Variants in SLC25A26 observed in about 807,000 individuals in gnomAD.
The protein encoded by SLC25A26 is solute carrier family 25 member 26.
A neutral mutation model predicts 37.8 loss-of-function variants in SLC25A26; 36 were observed. That is an observed-to-expected ratio of 0.95 (90% confidence interval 0.73 to 1.26). The LOEUF (loss-of-function observed/expected upper bound fraction) is 1.26, where lower values mean the gene tolerates loss of function less well. Among genes scored for constraint, SLC25A26 ranks in the 50% most tolerant of loss-of-function variants. The pLI, the probability that SLC25A26 is intolerant of heterozygous loss-of-function variation, is 0.00. For synonymous variants in SLC25A26, 129 were observed against 122.5 expected, an observed-to-expected ratio of 1.05 and a Z score of -0.35; for missense variants, 390 against 331.1, an observed-to-expected ratio of 1.18 and a Z score of -1.38.
At chr3:66,275,097 T>C (rs2074092416) in intron 5 of SLC25A26, among the ~76,000 whole-genome samples, 1 of 152,088 alleles carries the variant, frequency 6.6e-6, no homozygotes, top group South Asian at 2.1e-4. Flanking sequence ...TAATGTCCTT[T>C]GTAGGGACAT....
intron 1 of SLC25A26, among the ~76,000 whole-genome samples, chr3:66,213,441 C>T (rs1412692528): frequency 1.6e-4 from 19 of 120,772 alleles, no homozygotes; most frequent in Non-Finnish European, 3.0e-4. Flanking sequence ...AGTAAAATGA[C>T]TTTCTTTTAA....
At chr3:66,225,479 A>T (rs1553660173) in intron 1 of SLC25A26, among the ~76,000 whole-genome samples, 1 of 152,158 alleles carries the variant, frequency 6.6e-6, no homozygotes, top group African/African-American at 2.4e-5. Flanking sequence ...CCCTGGACCC[A>T]GTCCAGGAAA....
In SLC25A26 at chr3:66,181,464, A is replaced by G. The variant is rs2070704467; in HGVS notation, c.-353-39278A>G. Among the ~76,000 whole-genome samples, 5 of 152,182 alleles carry G rather than the reference A, an allele frequency of 3.3e-5. No individual in the cohort carries two copies. The South Asian group carries it at 1.0e-3, about 32-fold the overall frequency. On this transcript the variant is annotated intron_variant, in intron 1 of 10. Coordinates refer to the SLC25A26 transcript ENST00000676754. ...CATGTCGTAGTTACTGGCAAACGGC[A>G]CCCTAAAAAATGCTAGCTACGACAC...
At chr3:66,373,861 G>A (rs1700488320) in intron 9 of SLC25A26, among the ~76,000 whole-genome samples, 3 of 152,092 alleles carry the variant, frequency 2.0e-5, no homozygotes, top group Non-Finnish European at 4.4e-5. Context: ...GAAGTGCCAA[G>A]TGCTGCAAAC....
At chr3:66,230,956 C>G (rs1482090546) in intron 1 of SLC25A26, among the ~76,000 whole-genome samples, 1 of 152,156 alleles carries the variant, frequency 6.6e-6, no homozygotes, top group African/African-American at 2.4e-5. Context: ...TGGTGGATCA[C>G]CTGAGGTCAG....
intron 6 of SLC25A26, among the ~76,000 whole-genome samples, chr3:66,357,215 A>T (rs2076596244): frequency 6.6e-6 from 1 of 152,154 alleles, no homozygotes; most frequent in Non-Finnish European, 1.5e-5. Flanking sequence ...GGAGTTTGAG[A>T]CTACCCTGGG....
chr3:66,292,737 A>G (rs1427479016), intron 5 of SLC25A26, among the ~76,000 whole-genome samples: 1 of 151,876 alleles, frequency 6.6e-6, no homozygotes, highest in Admixed American at 6.6e-5. Context: ...TTTTTCCTTC[A>G]TTTCAACCTT....
intron 6 of SLC25A26, among the ~76,000 whole-genome samples, chr3:66,356,611 G>A (rs2076581610): frequency 6.6e-6 from 1 of 152,072 alleles, no homozygotes; most frequent in Non-Finnish European, 1.5e-5. Context: ...GAAGCTGGGT[G>A]AAGGATATGT....
chr3:66,327,378 TTTGTCTGTATTATTTCCACTTATAA>T (rs1205316005), intron 5 of SLC25A26, among the ~76,000 whole-genome samples: 3 of 152,198 alleles, frequency 2.0e-5, no homozygotes, highest in Non-Finnish European at 4.4e-5. Flanking sequence ...CACAAGGCAC[TTTGTCTGTATTATTTCCACTTATAA>T]TTGTTTTATA....
intron 2 of SLC25A26, among the ~76,000 whole-genome samples, chr3:66,237,046 A>G (rs1312938805): frequency 6.6e-6 from 1 of 152,104 alleles, no homozygotes; most frequent in African/African-American, 2.4e-5. Flanking sequence ...CATGTTGTCT[A>G]GGCTGGTCTT....
At chr3:66,271,350 G>T (rs768986823) in intron 5 of SLC25A26, among the ~76,000 whole-genome samples, 21 of 152,116 alleles carry the variant, frequency 1.4e-4, no homozygotes, top group Non-Finnish European at 2.5e-4. Context: ...TTAGATGAGG[G>T]CAAGGAGAAT....
chr3:66,164,439 T>G lies in SLC25A26; in HGVS notation c.-354+30455T>G, dbSNP rs147685026. ...AAGGCATAAGGGATCTCTTCTGATA[T>G]ATCAGTTTTTTTTTTAATGAGGGAG... is the stretch of plus-strand genomic sequence containing the variant. On this transcript the variant is annotated intron_variant, in intron 1 of 10. Coordinates refer to the SLC25A26 transcript ENST00000676754. Among the ~76,000 whole-genome samples, 173 of 151,658 alleles carry G rather than the reference T, an allele frequency of 1.1e-3. 2 individuals are homozygous for G. The highest frequency in any genetic ancestry group is 4.2e-3 in the African/African-American group (171 of 40,996).
At chr3:66,274,471 A>G (rs1205534182) in intron 5 of SLC25A26, among the ~76,000 whole-genome samples, 2 of 152,252 alleles carry the variant, frequency 1.3e-5, no homozygotes, top group Admixed American at 6.5e-5. Context: ...GCAACCTACA[A>G]AATGGGAGAA....
intron 1 of SLC25A26, among the ~76,000 whole-genome samples, chr3:66,155,702 T>C (rs2070272850): frequency 6.6e-6 from 1 of 152,034 alleles, no homozygotes; most frequent in African/African-American, 2.4e-5. Flanking sequence ...TCTGGAAGAG[T>C]ACAGCCAGGT....
At chr3:66,322,174 G>A (rs1183932678) in intron 5 of SLC25A26, among the ~76,000 whole-genome samples, 1 of 152,142 alleles carries the variant, frequency 6.6e-6, no homozygotes. Context: ...GAGGTTCTGA[G>A]ATGTTTTTGT....
At chr3:66,367,909 A>G (rs1488332608) in intron 7 of SLC25A26, among the ~76,000 whole-genome samples, 1 of 152,236 alleles carries the variant, frequency 6.6e-6, no homozygotes. Flanking sequence ...AGAGTTTTAC[A>G]TAGTCATAAT....
At chr3:66,187,705 C>A (rs1172697859) in intron 1 of SLC25A26, among the ~76,000 whole-genome samples, 1 of 151,786 alleles carries the variant, frequency 6.6e-6, no homozygotes, top group Non-Finnish European at 1.5e-5. Context: ...CTGACCATAA[C>A]CCCTACACTC....
chr3:66,364,234 A>G (rs539557271), intron 7 of SLC25A26, among the ~76,000 whole-genome samples: 1 of 152,356 alleles, frequency 6.6e-6, no homozygotes, highest in South Asian at 2.1e-4. Context: ...GGAAATTTGC[A>G]TTAATTACAG....
intron 5 of SLC25A26, among the ~76,000 whole-genome samples, chr3:66,339,950 G>A (rs2076171446): frequency 6.6e-6 from 1 of 152,004 alleles, no homozygotes; most frequent in Non-Finnish European, 1.5e-5. Context: ...ATGTTATGAA[G>A]ATTTTCCCTG....
Sources: gnomAD v4.1 joint callset for allele counts (sites outside exome capture counted in the v4.1 genomes callset) on GRCh38, gnomAD v4.1.1 for gene constraint, MANE v1.5 for transcripts, NCBI Gene and HGNC (gene_info 2026-07-23, HGNC 2026-07-21) for gene names.